PPP2R3A: variants seen among roughly 807,000 people sequenced by gnomAD.
PPP2R3A encodes the protein protein phosphatase 2 regulatory subunit B''alpha, also known as serine/threonine-protein phosphatase 2A regulatory subunit B'' subunit alpha.
Under a neutral mutation model 106.9 loss-of-function variants are expected in PPP2R3A, and 80 were observed. That is an observed-to-expected ratio of 0.75 (90% CI 0.62 to 0.90). The LOEUF (loss-of-function observed/expected upper bound fraction) is 0.90. PPP2R3A is among the 40% of genes least tolerant of loss of function. The probability of loss-of-function intolerance (pLI) is 0.00; values close to 1 mark genes in which losing one functional copy is unlikely to be tolerated. For missense variants in PPP2R3A, 1,386 were observed against 1,350.4 expected (o/e 1.03, Z -0.41); for synonymous variants, 483 against 468.3 (o/e 1.03, Z -0.41).
intron 13 of PPP2R3A, among the ~76,000 whole-genome samples, chr3:136,126,223 G>A (rs1179565135): frequency 6.6e-6 from 1 of 152,230 alleles, no homozygotes; most frequent in Non-Finnish European, 1.5e-5. Flanking sequence ...CCTAACCAAG[G>A]GAAGCCGTGA....
intron 5 of PPP2R3A, among the ~76,000 whole-genome samples, chr3:136,049,573 C>A (rs1559889212): frequency 9.6e-6 from 1 of 103,788 alleles, no homozygotes; most frequent in Non-Finnish European, 1.9e-5. Context: ...TAAAACAGAA[C>A]CCATAGTAGT....
chr3:136,147,238 T>A lies in PPP2R3A; in HGVS notation c.*2072T>A, dbSNP rs939917040. ...ATTTAGCTGGGCATGGTGGTGCACA[T>A]CTGTAGTCCTACCAACTTGGGAGGC... On this transcript the variant is annotated 3_prime_UTR_variant, in exon 14 of 14. Coordinates refer to ENST00000264977, the MANE Select transcript of PPP2R3A (RefSeq NM_002718.5). 2 of 152,306 alleles carry A rather than the reference T, an allele frequency of 1.3e-5. No individual in the cohort carries two copies. Among genetic ancestry groups the A allele is most frequent in the African/African-American group, 4.8e-5 (2 of 41,402 alleles). The allele number at this position is 152,306 out of a possible 1,614,324, so 9.4% of individuals were successfully genotyped here.
chr3:136,017,665 G>A (rs904327451), intron 2 of PPP2R3A, among the ~76,000 whole-genome samples: 2 of 152,098 alleles, frequency 1.3e-5, no homozygotes, highest in Non-Finnish European at 2.9e-5. Flanking sequence ...TTTTTCTGTA[G>A]CATCTTCTGA....
chr3:136,042,833 T>C (rs1935332696), intron 4 of PPP2R3A, among the ~76,000 whole-genome samples: 1 of 152,208 alleles, frequency 6.6e-6, no homozygotes, highest in Admixed American at 6.5e-5. Context: ...AACTCCTCTT[T>C]GAGCTCTTAA....
At chr3:135,998,279 C>G (rs982415745) in intron 1 of PPP2R3A, among the ~76,000 whole-genome samples, 1 of 152,194 alleles carries the variant, frequency 6.6e-6, no homozygotes, top group Non-Finnish European at 1.5e-5. Context: ...GTACCTACAT[C>G]GCTATATTTC....
At chr3:136,042,514 A>G (rs1935323294) in intron 4 of PPP2R3A, among the ~76,000 whole-genome samples, 1 of 152,224 alleles carries the variant, frequency 6.6e-6, no homozygotes, top group Admixed American at 6.5e-5. Flanking sequence ...AAATTTTTTT[A>G]AAAAGAGTGT....
chr3:136,123,928 A>G (rs562952338), intron 13 of PPP2R3A, among the ~76,000 whole-genome samples: 44 of 152,334 alleles, frequency 2.9e-4, no homozygotes, highest in African/African-American at 9.4e-4. Flanking sequence ...ACAAAACAAC[A>G]AAAATATATA....
intron 13 of PPP2R3A, among the ~76,000 whole-genome samples, chr3:136,111,135 CAGTG>C (rs1393675445): frequency 2.0e-5 from 3 of 151,844 alleles, no homozygotes; most frequent in Non-Finnish European, 4.4e-5. Flanking sequence ...CTAGAGGAAA[CAGTG>C]GGAGGAAAGA....
chr3:136,002,984 G>A lies in PPP2R3A; in HGVS notation c.1486G>A (p.Asp496Asn), dbSNP rs974993512. The A allele has an allele frequency of 6.2e-7, 1 of 1,613,394 alleles. No homozygotes were observed. The highest frequency in any genetic ancestry group is 1.7e-5 in the Admixed American group (1 of 59,910). ...AAAAGTTTCTAAATTTGAAGAGGGA[G>A]ACCAGAGAGATTTTACAAATTCCAG... ...KSKVSKFEEG[D>N]QRDFTNSSSQ... The change falls in exon 2 of 14, where the codon GAC (aspartate) becomes AAC (asparagine). Residue 496 changes from aspartate to asparagine, a missense_variant. Physicochemically the swap from Asp to Asn is conservative, Grantham distance 23. Transcript: ENST00000264977.
At chr3:135,993,317 C>T (rs764807879) in intron 1 of PPP2R3A, among the ~76,000 whole-genome samples, 7 of 152,122 alleles carry the variant, frequency 4.6e-5, no homozygotes, top group Non-Finnish European at 7.4e-5. Context: ...AAATACTCAA[C>T]ATCATTAGTC....
intron 13 of PPP2R3A, among the ~76,000 whole-genome samples, chr3:136,126,592 C>G (rs1350056482): frequency 6.6e-6 from 1 of 152,226 alleles, no homozygotes; most frequent in East Asian, 1.9e-4. Context: ...CAGACAACTT[C>G]TGCAGACTTA....
intron 3 of PPP2R3A, among the ~76,000 whole-genome samples, chr3:136,034,497 G>T (rs1300671996): frequency 6.6e-6 from 1 of 152,180 alleles, no homozygotes; most frequent in Non-Finnish European, 1.5e-5. Flanking sequence ...TCATTCAGGA[G>T]CAGGTTATTT....
intron 8 of PPP2R3A, among the ~76,000 whole-genome samples, chr3:136,085,954 G>C (rs1027593983): frequency 6.6e-6 from 1 of 151,524 alleles, no homozygotes; most frequent in Non-Finnish European, 1.5e-5. Context: ...ATTAAAAAAT[G>C]TCTTTCAAAT....
intron 11 of PPP2R3A, 35 bp from the exon 12 acceptor site, chr3:136,103,223 G>T (rs1267387144): frequency 2.2e-5 from 32 of 1,442,856 alleles, no homozygotes; most frequent in Non-Finnish European, 2.9e-5. Context: ...AACAGCTCTT[G>T]ATGAAATTTA....
intron 1 of PPP2R3A, among the ~76,000 whole-genome samples, chr3:135,988,706 C>T (rs1950061932): frequency 6.6e-6 from 1 of 152,146 alleles, no homozygotes; most frequent in South Asian, 2.1e-4. Context: ...CCACTGAAGA[C>T]ACCAGTCCAG....
At chr3:136,139,579 A>C (rs1007417543) in intron 13 of PPP2R3A, among the ~76,000 whole-genome samples, 1 of 151,564 alleles carries the variant, frequency 6.6e-6, no homozygotes, top group Admixed American at 6.6e-5. Context: ...TGTAATCCCA[A>C]CTACTCACGT....
Position 136,003,131 on chromosome 3 carries a change from C to T in PPP2R3A, c.1633C>T (p.Gln545Ter). 1 of 1,613,014 alleles carries T rather than the reference C, an allele frequency of 6.2e-7. No individual in the cohort carries two copies. The highest frequency in any genetic ancestry group is 8.5e-7 in the Non-Finnish European group (1 of 1,179,686). Residue 545 changes from glutamine (Q) to a stop codon, truncating the protein, a stop_gained, in exon 2 of 14, where the codon CAG becomes TAG. Transcript: ENST00000264977. LOFTEE classifies it high-confidence loss of function. Reference protein sequence around the residue: ...KNSNFLNSHSQLTGQTLVDLE... With the variant: ...KNSNFLNSHS Reference sequence around the variant, plus strand: ...CTCTAATTTTTTAAATAGTCACAGTCAGTTGACCGGTCAGACCCTTGTAGA... The same window carrying T: ...CTCTAATTTTTTAAATAGTCACAGTTAGTTGACCGGTCAGACCCTTGTAGA...
intron 2 of PPP2R3A, among the ~76,000 whole-genome samples, chr3:136,012,739 G>T (rs1357538562): frequency 5.9e-5 from 9 of 152,122 alleles, no homozygotes; most frequent in Admixed American, 2.0e-4. Flanking sequence ...CCTATTTACA[G>T]GGATATTTTA....
intron 5 of PPP2R3A, among the ~76,000 whole-genome samples, chr3:136,056,696 C>A: frequency 6.6e-6 from 1 of 151,300 alleles, no homozygotes; most frequent in Admixed American, 6.6e-5. Flanking sequence ...GGATATGAAC[C>A]CAAAAGCACA....
Sources: gnomAD v4.1 joint callset for allele counts (sites outside exome capture counted in the v4.1 genomes callset) on GRCh38, gnomAD v4.1.1 for gene constraint, MANE v1.5 for transcripts, NCBI Gene and HGNC (gene_info 2026-07-23, HGNC 2026-07-21) for gene names.